CEP85L: variants seen among roughly 807,000 people sequenced by gnomAD.
CEP85L encodes the protein centrosomal protein 85L, also known as centrosomal protein of 85 kDa-like.
CEP85L carries 60 observed loss-of-function variants against 100.3 expected under a neutral mutation model. The observed-to-expected ratio is 0.60, with a 90% CI of 0.49 to 0.74. The LOEUF (loss-of-function observed/expected upper bound fraction) is 0.74. Ranked by LOEUF, CEP85L falls within the 30% of genes least tolerant of loss-of-function variation. The probability of loss-of-function intolerance (pLI) is 0.00; values close to 1 mark genes in which losing one functional copy is unlikely to be tolerated. For synonymous variants in CEP85L, 319 were observed against 322.7 expected (o/e 0.99, Z 0.12); for missense variants, 973 against 936.2 (o/e 1.04, Z -0.51).
At chr6:118,650,546 G>C (rs1345663012) in intron 1 of CEP85L, among the ~76,000 whole-genome samples, 3 of 152,240 alleles carry the variant, frequency 2.0e-5, no homozygotes, top group African/African-American at 7.2e-5. Context: ...TGGTCCATTG[G>C]CTACTGCAGG....
At chr6:118,509,904 T>C (rs1206918885) in intron 5 of CEP85L, among the ~76,000 whole-genome samples, 1 of 152,140 alleles carries the variant, frequency 6.6e-6, no homozygotes, top group African/African-American at 2.4e-5. Flanking sequence ...TCCAGTCATA[T>C]AAATTTTGTT....
chr6:118,564,168 TAAACC>T (rs770831115), intron 3 of CEP85L, among the ~76,000 whole-genome samples: 6 of 152,168 alleles, frequency 3.9e-5, no homozygotes, highest in Non-Finnish European at 8.8e-5. Context: ...ACACCTTGTT[TAAACC>T]AGAGATTTGT....
At chr6:118,662,398 C>T (rs1224273008) in intron 1 of CEP85L, among the ~76,000 whole-genome samples, 4 of 151,892 alleles carry the variant, frequency 2.6e-5, no homozygotes, top group South Asian at 4.2e-4. Flanking sequence ...GGTGTGGAGG[C>T]GCATGGCTGT....
intron 3 of CEP85L, among the ~76,000 whole-genome samples, chr6:118,535,347 C>T (rs1454667649): frequency 2.6e-5 from 4 of 152,144 alleles, no homozygotes; most frequent in Non-Finnish European, 5.9e-5. Context: ...CAATAAGAAT[C>T]AGATCAGTGG....
intron 1 of CEP85L, among the ~76,000 whole-genome samples, chr6:118,647,791 C>T (rs1016022052): frequency 9.8e-5 from 15 of 152,356 alleles, no homozygotes; most frequent in African/African-American, 3.6e-4. Flanking sequence ...GTCTATCCTT[C>T]ATCCAACTTG....
At chr6:118,557,316 C>T (rs1229485812) in intron 3 of CEP85L, among the ~76,000 whole-genome samples, 1 of 152,068 alleles carries the variant, frequency 6.6e-6, no homozygotes, top group Non-Finnish European at 1.5e-5. Flanking sequence ...CTGATCAAAC[C>T]AATTACATCT....
chr6:118,709,554 T>TGTGTGTGTGTGTGC (rs1777715533), intron 1 of CEP85L, among the ~76,000 whole-genome samples: 1 of 147,360 alleles, frequency 6.8e-6, no homozygotes, highest in Non-Finnish European at 1.5e-5. Context: ...TGTGTGTGTG[T>TGTGTGTGTGTGTGC]GTGAGAGAGA....
chr6:118,493,250 G>A (rs1160066018), intron 5 of CEP85L, among the ~76,000 whole-genome samples: 2 of 152,170 alleles, frequency 1.3e-5, no homozygotes, highest in African/African-American at 4.8e-5. Flanking sequence ...TAGATACAGA[G>A]AGTTATCATG....
chr6:118,684,293 A>G (rs1486334629), intron 1 of CEP85L, among the ~76,000 whole-genome samples: 1 of 152,184 alleles, frequency 6.6e-6, no homozygotes, highest in Non-Finnish European at 1.5e-5. Context: ...AAATGTATAA[A>G]GCTTAAAGAC....
intron 6 of CEP85L, among the ~76,000 whole-genome samples, chr6:118,490,549 A>G (rs1262559354): frequency 6.6e-6 from 1 of 152,154 alleles, no homozygotes; most frequent in Non-Finnish European, 1.5e-5. Flanking sequence ...TGTAAGTTAA[A>G]TATCGACTGT....
intron 2 of CEP85L, among the ~76,000 whole-genome samples, chr6:118,570,662 G>T (rs573588962): frequency 6.6e-5 from 10 of 152,258 alleles, no homozygotes; most frequent in South Asian, 6.2e-4. Context: ...TACTCCAAGA[G>T]ATTATGATCC....
intron 1 of CEP85L, among the ~76,000 whole-genome samples, chr6:118,687,582 A>G (rs569832768): frequency 7.9e-5 from 12 of 152,362 alleles, no homozygotes; most frequent in African/African-American, 2.9e-4. Flanking sequence ...GCCTGAGAGC[A>G]CAGGGGAAGG....
At chr6:118,691,744 A>G (rs1233522692) in intron 1 of CEP85L, among the ~76,000 whole-genome samples, 8 of 151,858 alleles carry the variant, frequency 5.3e-5, no homozygotes, top group Non-Finnish European at 2.9e-5. Context: ...CATCTCAAAA[A>G]AAAAAAAAAT....
chr6:118,562,608 C>G (rs1293065139), intron 3 of CEP85L, among the ~76,000 whole-genome samples: 1 of 152,120 alleles, frequency 6.6e-6, no homozygotes, highest in Admixed American at 6.6e-5. Flanking sequence ...TATCCACCCC[C>G]CATCAGCCTC....
At chr6:118,559,234 T>G in intron 3 of CEP85L, 1 of 726,350 alleles carries the variant, frequency 1.4e-6, no homozygotes, top group Non-Finnish European at 2.5e-6. Context: ...AACTTATTGT[T>G]ACCATATGTA....
At chr6:118,547,503 C>T (rs1237682436) in intron 3 of CEP85L, among the ~76,000 whole-genome samples, 1 of 151,926 alleles carries the variant, frequency 6.6e-6, no homozygotes, top group African/African-American at 2.4e-5. Flanking sequence ...CATAAAGTTG[C>T]CCTTAATACT....
At chr6:118,583,542 ACT>A (rs1281497532) in intron 2 of CEP85L, among the ~76,000 whole-genome samples, 4 of 152,104 alleles carry the variant, frequency 2.6e-5, no homozygotes, top group Non-Finnish European at 4.4e-5. Flanking sequence ...CCCAGGACAA[ACT>A]CTATCTCCCC....
At chr6:118,625,693 A>T (rs1286875469) in intron 2 of CEP85L, among the ~76,000 whole-genome samples, 2 of 152,218 alleles carry the variant, frequency 1.3e-5, no homozygotes, top group African/African-American at 4.8e-5. Context: ...CCAGGAGCTA[A>T]GGGAATGAAG....
Position 118,491,873 on chromosome 6 carries a change from GA to G in CEP85L, c.1258-9del. 6.4e-7 allele frequency: 1 copy of G among 1,568,192 alleles called. No individual in the cohort carries two copies. Among genetic ancestry groups the G allele is most frequent in the Non-Finnish European group, 8.6e-7 (1 of 1,162,242 alleles). On this transcript the variant is annotated splice_polypyrimidine_tract_variant and intron_variant, in intron 5 of 12. Coordinates refer to ENST00000368491, the MANE Select transcript of CEP85L (RefSeq NM_001042475.3). ...AGTGTTCTCATATTGTGGCTGTTAG[GA>G]AAGAAAAAAAGGAGGTAAGACTTTA...
Sources: gnomAD v4.1 joint callset for allele counts (sites outside exome capture counted in the v4.1 genomes callset) on GRCh38, gnomAD v4.1.1 for gene constraint, MANE v1.5 for transcripts, NCBI Gene and HGNC (gene_info 2026-07-23, HGNC 2026-07-21) for gene names.